MTHFD1L: variants seen among roughly 807,000 people sequenced by gnomAD.
MTHFD1L encodes the protein methylenetetrahydrofolate dehydrogenase (NADP+ dependent) 1 like, also known as monofunctional C1-tetrahydrofolate synthase, mitochondrial.
A neutral mutation model predicts 119.5 loss-of-function variants in MTHFD1L; 81 were observed. The observed-to-expected ratio is 0.68, with a 90% CI of 0.57 to 0.82. The LOEUF (loss-of-function observed/expected upper bound fraction) is 0.82, where lower values mean the gene tolerates loss of function less well. Ranked by LOEUF, MTHFD1L falls within the 40% of genes least tolerant of loss-of-function variation. The pLI, the probability that MTHFD1L is intolerant of heterozygous loss-of-function variation, is 0.00. For synonymous variants in MTHFD1L, 430 were observed against 475.2 expected (o/e 0.90, Z 1.24); for missense variants, 1,125 against 1,253.4 (o/e 0.90, Z 1.55).
At chr6:150,932,054 CAA>C (rs377740470) in intron 11 of MTHFD1L, among the ~76,000 whole-genome samples, 9 of 143,792 alleles carry the variant, frequency 6.3e-5, no homozygotes, top group South Asian at 2.2e-4. Context: ...CCCAGCTACT[CAA>C]GAGGGTGAGG....
intron 26 of MTHFD1L, among the ~76,000 whole-genome samples, chr6:151,082,742 C>T (rs1300964489): frequency 6.6e-6 from 1 of 152,004 alleles, no homozygotes; most frequent in African/African-American, 2.4e-5. Flanking sequence ...TTTGAAATGA[C>T]TCCATAATAT....
Position 151,046,471 on chromosome 6 carries a change from GTATATATATATATATATATATATATATA to G in MTHFD1L, c.2847+9371_2847+9398del, listed in dbSNP as rs1156377344. On this transcript the variant is annotated intron_variant, in intron 26 of 27. Transcript: ENST00000367321. ...ATATATATATATAATATGTGTGTGT[GTATATATATATATATATATATATATATA>G]TATATATATATATATAGACTCATTT... Among the ~76,000 whole-genome samples, 61 of 36,452 alleles carry G rather than the reference GTATATATATATATATATATATATATATA, an allele frequency of 1.7e-3. 1 individual carries two copies. Among genetic ancestry groups the G allele is most frequent in the East Asian group, 1.6e-3 (2 of 1,266 alleles). The allele number at this position is 36,452 out of a possible 152,430, so 23.9% of individuals were successfully genotyped here.
At chr6:150,871,886 A>ATTTTTTTTTTTTTTTTTTTTTTTT (rs985548250) in intron 1 of MTHFD1L, among the ~76,000 whole-genome samples, 2 of 147,530 alleles carry the variant, frequency 1.4e-5, no homozygotes, top group African/African-American at 5.0e-5. Flanking sequence ...ATTTTATTTT[A>ATTTTTTTTTTTTTTTTTTTTTTTT]TTTTATTTTT....
intron 26 of MTHFD1L, among the ~76,000 whole-genome samples, chr6:151,047,093 T>G (rs1472743411): frequency 6.6e-6 from 1 of 152,214 alleles, no homozygotes; most frequent in Non-Finnish European, 1.5e-5. Context: ...TCACTTAATG[T>G]CATTGATAGG....
rs111401920 is a variant in MTHFD1L at position 150,926,621 on chromosome 6, C to A, written c.1256+326C>A. On this transcript the variant is annotated intron_variant, in intron 11 of 27. Coordinates refer to ENST00000367321, the MANE Select transcript of MTHFD1L (RefSeq NM_015440.5). This position sits in a 1 kb window ranked among gnomAD's most constrained non-coding sequence, Gnocchi z 4.3. ...AATCAAAATAGGAATTGAAAGTAAACTATTTTGAACTGAGCAGTTTGTTTT... is the reference window on the plus strand; with the variant it reads ...AATCAAAATAGGAATTGAAAGTAAAATATTTTGAACTGAGCAGTTTGTTTT... Among the ~76,000 whole-genome samples, 1,643 of 152,282 alleles carry A rather than the reference C, an allele frequency of 0.011. 13 individuals are homozygous for A. Among genetic ancestry groups the A allele is most frequent in the South Asian group, 0.035 (170 of 4,824 alleles).
At chr6:151,012,269 GA>G (rs751147650) in intron 21 of MTHFD1L, among the ~76,000 whole-genome samples, 4 of 151,846 alleles carry the variant, frequency 2.6e-5, no homozygotes, top group African/African-American at 7.3e-5. Context: ...CAAGATAAAT[GA>G]ACTTTCATCC....
intron 24 of MTHFD1L, among the ~76,000 whole-genome samples, chr6:151,029,071 A>G (rs1784975367): frequency 6.6e-6 from 1 of 152,160 alleles, no homozygotes; most frequent in South Asian, 2.1e-4. Flanking sequence ...AAAAAAAGAA[A>G]AGAAGATGGT....
intron 21 of MTHFD1L, among the ~76,000 whole-genome samples, chr6:151,013,295 A>G (rs1003822509): frequency 6.6e-6 from 1 of 152,186 alleles, no homozygotes; most frequent in Admixed American, 6.5e-5. Flanking sequence ...CAGGAGGATC[A>G]CTTGAGCCCA....
intron 11 of MTHFD1L, among the ~76,000 whole-genome samples, chr6:150,927,779 T>A (rs1435576271): frequency 6.6e-6 from 1 of 151,930 alleles, no homozygotes; most frequent in Non-Finnish European, 1.5e-5. Flanking sequence ...CTTAAACATG[T>A]TGGGGAAGCA....
At position 151,037,188 on chromosome 6, in the gene MTHFD1L, C is replaced by T. The variant is rs952294387; in HGVS notation, c.2847+71C>T. The T allele has an allele frequency of 4.6e-6, 7 of 1,535,054 alleles. No individual in the cohort carries two copies. In the Admixed American group the frequency reaches 5.4e-5, roughly 12 times the overall value. On this transcript the variant is annotated intron_variant, in intron 26 of 27. Transcript: ENST00000367321. Reference sequence around the variant, plus strand: ...TGTGGTGCCTCAAATCGTTATGCTCCGCCCGCTCTTTAAAAATCATGGATT... The same window carrying T: ...TGTGGTGCCTCAAATCGTTATGCTCTGCCCGCTCTTTAAAAATCATGGATT...
At chr6:151,028,814 G>T (rs1269924758) in intron 24 of MTHFD1L, among the ~76,000 whole-genome samples, 3 of 152,126 alleles carry the variant, frequency 2.0e-5, no homozygotes, top group African/African-American at 7.2e-5. Context: ...GGTAGCTTGC[G>T]GCTGTAATCC....
rs1171603108 is a variant in MTHFD1L, at chr6:151,046,471, G to GTGTGTA, written c.2847+9355_2847+9356insGTGTAT. ...ATATATATATATAATATGTGTGTGT[G>GTGTGTA]TATATATATATATATATATATATAT... On this transcript the variant is annotated intron_variant, in intron 26 of 27. Coordinates refer to ENST00000367321, the MANE Select transcript of MTHFD1L (RefSeq NM_015440.5). Among the ~76,000 whole-genome samples, 17 of 36,440 alleles carry GTGTGTA rather than the reference G, an allele frequency of 4.7e-4. No individual in the cohort carries two copies. The East Asian group carries it at 0.01, about 22-fold the overall frequency. The allele number at this position is 36,440 out of a possible 152,430, so 23.9% of individuals were successfully genotyped here.
At chr6:151,036,599 C>T (rs1379288631) in intron 25 of MTHFD1L, among the ~76,000 whole-genome samples, 2 of 152,212 alleles carry the variant, frequency 1.3e-5, no homozygotes, top group East Asian at 3.8e-4. Flanking sequence ...GTCGCAGAGC[C>T]TTTCTCCAGA....
At chr6:151,058,924 G>A (rs1453795733) in intron 26 of MTHFD1L, among the ~76,000 whole-genome samples, 3 of 152,112 alleles carry the variant, frequency 2.0e-5, no homozygotes, top group Admixed American at 6.5e-5. Flanking sequence ...TGATCACCCC[G>A]TGTCAGCTTC....
At chr6:151,067,319 T>TTTTA (rs540144753) in intron 26 of MTHFD1L, among the ~76,000 whole-genome samples, 127 of 152,082 alleles carry the variant, frequency 8.4e-4, no homozygotes, top group East Asian at 2.7e-3. Flanking sequence ...TATTTAATCT[T>TTTTA]TTTATTTATT....
At position 151,012,061 on chromosome 6, in the gene MTHFD1L, A is replaced by G. The variant is rs528876235; in HGVS notation, c.2266-1718A>G. On this transcript the variant is annotated intron_variant, in intron 21 of 27. Transcript: ENST00000367321. The stretch of plus-strand genomic sequence containing the variant: ...AAAAAAAAAAAAAAAACCAGCAGGG[A>G]CCAGGAAGCCCTGTGAAGCTAGGCA... Among the ~76,000 whole-genome samples the G allele has an allele frequency of 2.6e-4, 37 of 143,536 alleles. No individual in the cohort carries two copies. In the South Asian group the frequency reaches 6.0e-3, roughly 23 times the overall value. The allele number at this position is 143,536 out of a possible 152,430, so 94.2% of individuals were successfully genotyped here. A position where few individuals can be genotyped will look rare whatever the true frequency, so the allele number is the denominator to read the frequency against.
chr6:151,043,137 C>CTGG (rs147465387), intron 26 of MTHFD1L, among the ~76,000 whole-genome samples: 5,469 of 152,188 alleles, frequency 0.036, 147 homozygotes, highest in Admixed American at 0.096. Flanking sequence ...GCAAACCCCA[C>CTGG]ATTCCACTAA....
At chr6:150,993,025 G>A (rs1438062365) in intron 20 of MTHFD1L, among the ~76,000 whole-genome samples, 1 of 152,162 alleles carries the variant, frequency 6.6e-6, no homozygotes, top group Non-Finnish European at 1.5e-5. Context: ...GAGTGTTTAT[G>A]CAAACAAAGA....
chr6:150,979,375 T>C (rs1237374047), intron 20 of MTHFD1L, among the ~76,000 whole-genome samples: 1 of 152,220 alleles, frequency 6.6e-6, no homozygotes, highest in African/African-American at 2.4e-5. Flanking sequence ...CTTTTTTTCT[T>C]TTCTGTGTTC....
Sources: allele counts gnomAD v4.1 joint callset (sites outside exome capture counted in the v4.1 genomes callset), GRCh38; gene constraint gnomAD v4.1.1; non-coding constraint Gnocchi (gnomAD v3.1); transcripts MANE v1.5; gene names NCBI Gene and HGNC (gene_info 2026-07-23, HGNC 2026-07-21).